The following PHF20L1 variants were observed in gnomAD, a reference collection of about 807,000 sequenced individuals.
PHF20L1 encodes PHD finger protein 20-like protein 1.
In PHF20L1, 44 loss-of-function variants were observed where a neutral mutation model predicts 125.5. The ratio of observed to expected loss-of-function variants is 0.35; its 90% CI spans 0.28 to 0.45. The LOEUF is 0.45. Among genes scored for constraint, PHF20L1 ranks in the 20% least tolerant of loss-of-function variants. PHF20L1 has a pLI of 1.00. For missense variants in PHF20L1, 1,012 were observed against 1,217.2 expected (o/e 0.83, Z 2.51); for synonymous variants, 380 against 403.1 (o/e 0.94, Z 0.69).
At chr8:132,813,568 T>C (rs1022837224) in intron 9 of PHF20L1, among the ~76,000 whole-genome samples, 18 of 152,028 alleles carry the variant, frequency 1.2e-4, no homozygotes, top group African/African-American at 4.1e-4. Context: ...CCACAAGATA[T>C]GGAAGTAAAA....
rs1383313314 is a variant in PHF20L1 at position 132,775,425 on chromosome 8, G to A, written c.-258G>A. The A allele has an allele frequency of 4.1e-5, 16 of 385,760 alleles. No homozygotes were observed. The highest frequency in any genetic ancestry group is 6.8e-5 in the Non-Finnish European group (15 of 220,250). The allele number at this position is 385,760 out of a possible 1,614,324, so 23.9% of individuals were successfully genotyped here. A position where few individuals can be genotyped will look rare whatever the true frequency, so the allele number is the denominator to read the frequency against. On this transcript the variant is annotated 5_prime_UTR_variant, in exon 1 of 21. Coordinates refer to ENST00000395386, the MANE Select transcript of PHF20L1 (RefSeq NM_016018.5). ...CGGCGGAGGCGGCGGCGGCGGCGGC[G>A]ATGGCAGCGGACCCTGAGCGAGCTT...
chr8:132,824,652 T>C (rs755940952), intron 13 of PHF20L1: 1 of 166,572 alleles, frequency 6.0e-6, no homozygotes, highest in Non-Finnish European at 1.3e-5. Flanking sequence ...TGTAGGATAC[T>C]GCTCTAATAT....
chr8:132,807,023 G>A (rs1178247753), intron 8 of PHF20L1: 1 of 151,940 alleles, frequency 6.6e-6, no homozygotes, highest in Admixed American at 6.6e-5. Flanking sequence ...TAAAAGGATG[G>A]CGTTTTTCAG....
At chr8:132,808,513 G>A (rs887377932) in intron 8 of PHF20L1, 3 of 152,092 alleles carry the variant, frequency 2.0e-5, no homozygotes, top group African/African-American at 4.8e-5. Flanking sequence ...ATATTGAATA[G>A]CAAGATTTGT....
intron 15 of PHF20L1, among the ~76,000 whole-genome samples, chr8:132,834,862 C>G (rs1325655898): frequency 1.3e-5 from 2 of 151,736 alleles, no homozygotes; most frequent in Admixed American, 1.3e-4. Flanking sequence ...TCTTTATTAT[C>G]TATTTCTGCT....
chr8:132,785,859 G>T (rs1178255646), intron 2 of PHF20L1, among the ~76,000 whole-genome samples: 4 of 152,066 alleles, frequency 2.6e-5, no homozygotes, highest in African/African-American at 9.7e-5. Context: ...GGTACATCAT[G>T]ATTAGCTAGG....
At position 132,794,795 on chromosome 8, in the gene PHF20L1, G is replaced by T; in HGVS notation, c.318G>T (p.Lys106Asn). 6.2e-7 allele frequency: 1 copy of T among 1,610,516 alleles called. No individual in the cohort carries two copies. The highest frequency in any genetic ancestry group is 8.5e-7 in the Non-Finnish European group (1 of 1,177,324). Residue 106 changes from lysine (K) to asparagine (N), a missense_variant, in exon 4 of 21, where the codon AAG becomes AAT. Around this residue, in one of 7 missense-constraint regions of PHF20L1, gnomAD observed 94 missense variants for 179.5 expected, o/e 0.52. Coordinates refer to ENST00000395386, the MANE Select transcript of PHF20L1 (RefSeq NM_016018.5). Reference sequence around the variant, plus strand: ...CAGACTGTCGCTATTACCCTGCCAAGATTGAAGCAATTAACAAAGAAGGTA... The same window carrying T: ...CAGACTGTCGCTATTACCCTGCCAATATTGAAGCAATTAACAAAGAAGGTA... ...RWTDCRYYPAKIEAINKEGTF... is the reference protein window; with the variant it reads ...RWTDCRYYPANIEAINKEGTF...
chr8:132,801,121 A>T (rs1586915225), intron 6 of PHF20L1, among the ~76,000 whole-genome samples: 3 of 151,734 alleles, frequency 2.0e-5, no homozygotes, highest in Admixed American at 2.0e-4. Context: ...TTACAGGGTG[A>T]GAGATTGAGC....
At chr8:132,843,264 A>T in intron 19 of PHF20L1, 1 of 984,750 alleles carries the variant, frequency 1.0e-6, no homozygotes, top group Non-Finnish European at 1.2e-6. Flanking sequence ...TGGCACTCTA[A>T]TTGTCTGTTT....
At chr8:132,821,330 T>C (rs895717975) in intron 12 of PHF20L1, among the ~76,000 whole-genome samples, 2 of 151,948 alleles carry the variant, frequency 1.3e-5, no homozygotes, top group Non-Finnish European at 2.9e-5. Context: ...TTGGTTAATA[T>C]AATCCATTTT....
At chr8:132,784,346 A>T (rs1180171968) in intron 2 of PHF20L1, among the ~76,000 whole-genome samples, 1 of 152,192 alleles carries the variant, frequency 6.6e-6, no homozygotes, top group Non-Finnish European at 1.5e-5. Flanking sequence ...ATGGATTTTA[A>T]GTGCTATTTT....
intron 2 of PHF20L1, among the ~76,000 whole-genome samples, chr8:132,787,899 C>G (rs949612948): frequency 3.3e-5 from 5 of 152,140 alleles, no homozygotes; most frequent in Admixed American, 6.5e-5. Flanking sequence ...GGCAAATAAT[C>G]CTCTCACTAA....
chr8:132,833,262 A>C (rs1836974727), intron 15 of PHF20L1, among the ~76,000 whole-genome samples: 2 of 152,002 alleles, frequency 1.3e-5, no homozygotes, highest in Non-Finnish European at 2.9e-5. Context: ...TACTAGGTTA[A>C]ATGTTTGCTT....
intron 17 of PHF20L1, among the ~76,000 whole-genome samples, chr8:132,839,015 C>T (rs1587083054): frequency 6.6e-6 from 1 of 152,142 alleles, no homozygotes. Flanking sequence ...CTCTATGGTT[C>T]ATCCAGTTCA....
Position 132,785,601 on chromosome 8 carries a change from G to A in PHF20L1, c.83+7690G>A, listed in dbSNP as rs149377990. ...TACTGTAACTGTATATTTTGAAGAA[G>A]TGTTGACCACTCCCTATCATTTCTT... is the stretch of plus-strand genomic sequence containing the variant. On this transcript the variant is annotated intron_variant, in intron 2 of 20. Coordinates refer to ENST00000395386, the MANE Select transcript of PHF20L1 (RefSeq NM_016018.5). Among the ~76,000 whole-genome samples, 363 of 152,222 alleles carry A rather than the reference G, an allele frequency of 2.4e-3. 2 individuals are homozygous for A. Among genetic ancestry groups the A allele is most frequent in the African/African-American group, 8.5e-3 (355 of 41,546 alleles).
chr8:132,841,753 A>C (rs954098500), intron 18 of PHF20L1: 2 of 152,144 alleles, frequency 1.3e-5, no homozygotes, highest in African/African-American at 4.8e-5. Flanking sequence ...AGTACCTATC[A>C]AAATAAATGT....
chr8:132,825,137 G>T (rs1388642926), intron 13 of PHF20L1, 127 bp from the exon 14 acceptor site: 1 of 1,548,688 alleles, frequency 6.5e-7, no homozygotes, highest in Non-Finnish European at 8.8e-7. Flanking sequence ...CAGTTTAATT[G>T]AACCCATCCA....
chr8:132,834,370 C>G (rs568244206), intron 15 of PHF20L1, among the ~76,000 whole-genome samples: 3 of 152,110 alleles, frequency 2.0e-5, no homozygotes, highest in East Asian at 3.9e-4. Flanking sequence ...AGATCTTGCT[C>G]TGTTGCCTAG....
chr8:132,832,239 T>C lies in PHF20L1; in HGVS notation c.1749T>C (p.Tyr583=). 1 of 1,574,214 alleles carries C rather than the reference T, an allele frequency of 6.4e-7. No homozygotes were observed. The highest frequency in any genetic ancestry group is 8.7e-7 in the Non-Finnish European group (1 of 1,144,390). The change falls in exon 15 of 21, where the codon TAT becomes TAC. Residue 583 remains tyrosine, a synonymous_variant. Coordinates refer to ENST00000395386, the MANE Select transcript of PHF20L1 (RefSeq NM_016018.5). ...KKKKKSKQHD[Y]SDYEDSSLEF... ...TTTCTGTATCTTATGTTGCAGACTA[T>C]TCAGACTATGAAGACAGTTCCCTCG...
Sources: allele counts gnomAD v4.1 joint callset (sites outside exome capture counted in the v4.1 genomes callset), GRCh38; gene constraint gnomAD v4.1.1; regional missense constraint gnomAD v4.1.1; transcripts MANE v1.5; gene names NCBI Gene and HGNC (gene_info 2026-07-23, HGNC 2026-07-21).